Variants in CTNNA3 observed in about 807,000 individuals in gnomAD.
CTNNA3 encodes the protein catenin alpha-3.
Under a neutral mutation model 95.7 loss-of-function variants are expected in CTNNA3, and 76 were observed. That is an observed-to-expected ratio of 0.79 (90% CI 0.66 to 0.96). The LOEUF is 0.96. Among genes scored for constraint, CTNNA3 ranks in the 40% least tolerant of loss-of-function variants. CTNNA3 has a pLI of 0.00. For synonymous variants in CTNNA3, 431 were observed against 374.4 expected (o/e 1.15, Z -1.74); for missense variants, 1,191 against 1,089.8 (o/e 1.09, Z -1.31).
chr10:66,849,073 C>A (rs1843383821), intron 7 of CTNNA3, among the ~76,000 whole-genome samples: 1 of 152,100 alleles, frequency 6.6e-6, no homozygotes, highest in African/African-American at 2.4e-5. Context: ...GCCATCTGTT[C>A]TTTTTATTTA....
At chr10:66,665,003 G>A (rs573879029) in intron 9 of CTNNA3, among the ~76,000 whole-genome samples, 143 of 151,832 alleles carry the variant, frequency 9.4e-4, no homozygotes, top group Non-Finnish European at 1.5e-3. Context: ...TACACAGAGC[G>A]GATAAAAAAT....
intron 5 of CTNNA3, among the ~76,000 whole-genome samples, chr10:67,397,830 G>A (rs1844769147): frequency 6.6e-6 from 1 of 152,370 alleles, no homozygotes; most frequent in Non-Finnish European, 1.5e-5. Flanking sequence ...TCAAGGTACA[G>A]CTCAGGCTAT....
intron 5 of CTNNA3, among the ~76,000 whole-genome samples, chr10:67,371,229 C>T (rs9415875): frequency 0.89 from 134,189 of 151,090 alleles, 60,694 homozygotes; most frequent in East Asian, 1. Flanking sequence ...TTTATATATA[C>T]ATATTTTTTT....
At chr10:66,343,106 G>T (rs2092469988) in intron 12 of CTNNA3, among the ~76,000 whole-genome samples, 1 of 151,916 alleles carries the variant, frequency 6.6e-6, no homozygotes, top group Non-Finnish European at 1.5e-5. Context: ...GGAGAAAAAG[G>T]AACTCATAAG....
chr10:67,544,188 G>T (rs981614099), intron 3 of CTNNA3, among the ~76,000 whole-genome samples: 1 of 152,108 alleles, frequency 6.6e-6, no homozygotes, highest in Non-Finnish European at 1.5e-5. Flanking sequence ...TTCGAACTCA[G>T]TAAAGTCTTA....
At chr10:67,741,731 G>A (rs1841340665) in intron 1 of CTNNA3, among the ~76,000 whole-genome samples, 1 of 151,170 alleles carries the variant, frequency 6.6e-6, no homozygotes, top group African/African-American at 2.4e-5. Flanking sequence ...AAAGAGTCAA[G>A]ACCCATCAGT....
chr10:66,607,267 C>G (rs1844158548), intron 10 of CTNNA3, among the ~76,000 whole-genome samples: 1 of 151,878 alleles, frequency 6.6e-6, no homozygotes, highest in Non-Finnish European at 1.5e-5. Flanking sequence ...ATAATGAGCT[C>G]TGAAATTGAA....
chr10:67,726,894 A>T (rs1841233843), intron 1 of CTNNA3, among the ~76,000 whole-genome samples: 1 of 114,946 alleles, frequency 8.7e-6, no homozygotes, highest in Admixed American at 1.2e-4. Flanking sequence ...ATGATACATC[A>T]TATATGATAC....
intron 7 of CTNNA3, among the ~76,000 whole-genome samples, chr10:67,069,611 C>A (rs1368590012): frequency 1.7e-5 from 2 of 120,694 alleles, no homozygotes; most frequent in East Asian, 6.0e-4. Flanking sequence ...TAAACACTAT[C>A]CTGACCTAAA....
intron 7 of CTNNA3, among the ~76,000 whole-genome samples, chr10:66,977,786 T>C (rs539568374): frequency 5.3e-5 from 8 of 152,210 alleles, no homozygotes; most frequent in Non-Finnish European, 7.3e-5. Context: ...ATAGTTTTTG[T>C]CCATAATTCT....
chr10:66,259,279 T>C lies in CTNNA3; in HGVS notation c.1884+21191A>G, dbSNP rs781755656. Among the ~76,000 whole-genome samples the C allele has an allele frequency of 2.0e-5, 3 of 152,186 alleles. No individual in the cohort carries two copies. The East Asian group carries it at 5.8e-4, about 29-fold the overall frequency. ...ATGACAACAGAGAGAAAAGGAAAAA[T>C]ACAACTTATCCACTCACTATCCCCT... is the stretch of plus-strand genomic sequence containing the variant. On this transcript the variant is annotated intron_variant, in intron 13 of 17. Coordinates refer to ENST00000433211, the MANE Select transcript of CTNNA3 (RefSeq NM_013266.4).
intron 1 of CTNNA3, among the ~76,000 whole-genome samples, chr10:67,684,497 C>T (rs1840691769): frequency 6.6e-6 from 1 of 152,194 alleles, no homozygotes; most frequent in Admixed American, 6.5e-5. Context: ...CCCAGAAGCC[C>T]AGCCGGCTTC....
intron 4 of CTNNA3, among the ~76,000 whole-genome samples, chr10:67,533,831 T>C (rs867772694): frequency 1.3e-5 from 2 of 152,090 alleles, no homozygotes; most frequent in Non-Finnish European, 2.9e-5. Flanking sequence ...TCAGGAAATA[T>C]ATAGATACAT....
chr10:66,891,666 A>C (rs986868803), intron 7 of CTNNA3, among the ~76,000 whole-genome samples: 1 of 152,172 alleles, frequency 6.6e-6, no homozygotes, highest in Non-Finnish European at 1.5e-5. Flanking sequence ...TGAAACAGTG[A>C]AAGCAAGAAA....
At position 67,052,310 on chromosome 10, in the gene CTNNA3, ATCACTC is replaced by A. The variant is rs771365994; in HGVS notation, c.1047+128001_1047+128006del. 9.1e-3 allele frequency among the ~76,000 whole-genome samples: 848 copies of A among 92,806 alleles called. 8 individuals carry two copies. Among genetic ancestry groups the A allele is most frequent in the African/African-American group, 0.036 (798 of 22,434 alleles). 60.9% of individuals were successfully genotyped at this position (92,806 alleles called of 152,430 possible). A position where few individuals can be genotyped will look rare whatever the true frequency, so the allele number is the denominator to read the frequency against. ...CACAGAAGAATCTTCACACCCACTC[ATCACTC>A]TCTCTCTCTCTCTCTCTCTCTCTCT... is the stretch of plus-strand genomic sequence containing the variant. On this transcript the variant is annotated intron_variant, in intron 7 of 17. Transcript: ENST00000433211.
intron 11 of CTNNA3, among the ~76,000 whole-genome samples, chr10:66,421,834 CAAA>C (rs35845509): frequency 0.021 from 1,729 of 81,384 alleles, 31 homozygotes; most frequent in African/African-American, 0.069. Context: ...GACTCTGTCT[CAAA>C]AAAAAAAAAA....
chr10:65,978,794 G>T (rs1234676098), intron 16 of CTNNA3, among the ~76,000 whole-genome samples: 1 of 152,106 alleles, frequency 6.6e-6, no homozygotes, highest in East Asian at 1.9e-4. Context: ...TCAGCCATTA[G>T]TTTGTGCTTA....
At chr10:67,311,979 G>A (rs963428756) in intron 5 of CTNNA3, among the ~76,000 whole-genome samples, 4 of 151,100 alleles carry the variant, frequency 2.6e-5, no homozygotes, top group African/African-American at 9.7e-5. Flanking sequence ...ACACGCACAC[G>A]TACCACCTCA....
chr10:67,532,058 T>G (rs950137338), intron 4 of CTNNA3, among the ~76,000 whole-genome samples: 5 of 152,180 alleles, frequency 3.3e-5, no homozygotes, highest in African/African-American at 1.2e-4. Context: ...CATGTGGAAC[T>G]GTAAGTCCAT....
Sources: gnomAD v4.1 joint callset for allele counts (sites outside exome capture counted in the v4.1 genomes callset) on GRCh38, gnomAD v4.1.1 for gene constraint, MANE v1.5 for transcripts, NCBI Gene and HGNC (gene_info 2026-07-23, HGNC 2026-07-21) for gene names.